Variants in PLXNA2 observed in about 807,000 individuals in gnomAD.
PLXNA2 encodes plexin-A2.
PLXNA2 carries 91 observed loss-of-function variants against 193.5 expected under a neutral mutation model. That is an observed-to-expected ratio of 0.47 (90% CI 0.40 to 0.56). The LOEUF (loss-of-function observed/expected upper bound fraction) is 0.56. Among genes scored for constraint, PLXNA2 ranks in the 20% least tolerant of loss-of-function variants. PLXNA2 has a pLI of 0.00. For missense variants in PLXNA2, 1,995 were observed against 2,503.2 expected, an observed-to-expected ratio of 0.80 and a Z score of 4.33; for synonymous variants, 997 against 1,027.3, an observed-to-expected ratio of 0.97 and a Z score of 0.56.
chr1:208,151,395 TGATTTA>T (rs1268182555), intron 3 of PLXNA2, among the ~76,000 whole-genome samples: 1 of 152,124 alleles, frequency 6.6e-6, no homozygotes, highest in African/African-American at 2.4e-5. Flanking sequence ...TGAACTGGAA[TGATTTA>T]GAGCCACTCT....
intron 4 of PLXNA2, among the ~76,000 whole-genome samples, chr1:208,129,151 C>G (rs903703392): frequency 1.3e-4 from 20 of 152,166 alleles, no homozygotes; most frequent in African/African-American, 4.6e-4. Context: ...TTCCTTTATC[C>G]TCTTTCCATG....
rs148121252 is a variant in PLXNA2, at chr1:208,058,580, C to T, written c.2738+2106G>A. On this transcript the variant is annotated intron_variant, in intron 13 of 31. Coordinates refer to ENST00000367033, the MANE Select transcript of PLXNA2 (RefSeq NM_025179.4). ...TGAAACCTCGGGAGTGGTAATGAGC[C>T]TGGCACAGCTGGAAACCAGGGCTGC... Among the ~76,000 whole-genome samples the T allele has an allele frequency of 1.5e-4, 23 of 152,270 alleles. 1 individual carries two copies. The East Asian group carries it at 4.3e-3, about 28-fold the overall frequency.
intron 10 of PLXNA2, among the ~76,000 whole-genome samples, chr1:208,083,908 C>T (rs931266964): frequency 6.6e-6 from 1 of 152,014 alleles, no homozygotes; most frequent in Non-Finnish European, 1.5e-5. Flanking sequence ...TATTCACTCC[C>T]TGAATGGGGA....
At chr1:208,232,354 T>C (rs2102639668) in intron 1 of PLXNA2, among the ~76,000 whole-genome samples, 1 of 152,318 alleles carries the variant, frequency 6.6e-6, no homozygotes, top group East Asian at 1.9e-4. Flanking sequence ...AAGGCTCCTA[T>C]CTGCCTTGAC....
At chr1:208,159,801 G>C (rs1420262580) in intron 3 of PLXNA2, among the ~76,000 whole-genome samples, 1 of 152,202 alleles carries the variant, frequency 6.6e-6, no homozygotes, top group African/African-American at 2.4e-5. Context: ...GAGAGGAAGG[G>C]GCAGGAACTG....
At chr1:208,121,810 C>T (rs964623309) in intron 4 of PLXNA2, among the ~76,000 whole-genome samples, 28 of 152,198 alleles carry the variant, frequency 1.8e-4, no homozygotes, top group African/African-American at 4.3e-4. Context: ...TACCCATACT[C>T]GTGTACACAC....
At chr1:208,073,920 C>T (rs1666053594) in intron 12 of PLXNA2, among the ~76,000 whole-genome samples, 2 of 152,150 alleles carry the variant, frequency 1.3e-5, no homozygotes, top group South Asian at 4.1e-4. Context: ...AACAGATTCC[C>T]CCTCACAGCG....
intron 9 of PLXNA2, among the ~76,000 whole-genome samples, chr1:208,087,975 G>C (rs1666584857): frequency 6.6e-6 from 1 of 152,130 alleles, no homozygotes; most frequent in Admixed American, 6.5e-5. Flanking sequence ...GAAAAAGAAA[G>C]CAAATCATCC....
chr1:208,062,768 T>C (rs1665658993), intron 12 of PLXNA2, among the ~76,000 whole-genome samples: 1 of 152,114 alleles, frequency 6.6e-6, no homozygotes, highest in Non-Finnish European at 1.5e-5. Flanking sequence ...GAAGGACAAC[T>C]TGGAGAGGAA....
chr1:208,037,871 C>T (rs1034213056), intron 26 of PLXNA2, among the ~76,000 whole-genome samples: 14 of 151,886 alleles, frequency 9.2e-5, no homozygotes, highest in Admixed American at 9.2e-4. Context: ...GACAAGAAAG[C>T]CTGAGTAATT....
At chr1:208,137,151 A>G (rs1394353381) in intron 4 of PLXNA2, among the ~76,000 whole-genome samples, 1 of 151,796 alleles carries the variant, frequency 6.6e-6, no homozygotes, top group Non-Finnish European at 1.5e-5. Context: ...CCCAGCACCC[A>G]CTCCAAACAC....
At chr1:208,229,140 TCTTC>T (rs1387859026) in intron 1 of PLXNA2, among the ~76,000 whole-genome samples, 1 of 152,178 alleles carries the variant, frequency 6.6e-6, no homozygotes, top group Non-Finnish European at 1.5e-5. Flanking sequence ...CTAAATTTCC[TCTTC>T]CTTCCTTGTC....
At chr1:208,215,962 A>T (rs573851657) in intron 2 of PLXNA2, among the ~76,000 whole-genome samples, 1 of 152,138 alleles carries the variant, frequency 6.6e-6, no homozygotes, top group Non-Finnish European at 1.5e-5. Context: ...CCAGTTTTCC[A>T]TCAGTTGGTC....
intron 1 of PLXNA2, among the ~76,000 whole-genome samples, chr1:208,231,350 C>A (rs1342726108): frequency 6.6e-6 from 1 of 151,774 alleles, no homozygotes; most frequent in Non-Finnish European, 1.5e-5. Context: ...AGGAGGGAAG[C>A]GGGAGGGAGG....
At position 208,216,911 on chromosome 1, in the gene PLXNA2, T is replaced by G. The variant is rs150144401; in HGVS notation, c.1012A>C (p.Ile338Leu). ...ITSQDDVLFA[I>L]FSKGQKQYHH... The stretch of plus-strand genomic sequence containing the variant: ...TACTGCTTCTGCCCTTTGGAGAAGA[T>G]GGCAAAGAGTACATCGTCCTGGCTG... Residue 338 changes from isoleucine to leucine, a missense_variant, in exon 2 of 32, where the codon ATC becomes CTC. Ile to Leu is a conservative substitution (Grantham distance 5). Coordinates refer to ENST00000367033, the MANE Select transcript of PLXNA2 (RefSeq NM_025179.4). 2 of 1,614,152 alleles carry G rather than the reference T, an allele frequency of 1.2e-6. No individual in the cohort carries two copies. Among genetic ancestry groups the G allele is most frequent in the South Asian group, 1.1e-5 (1 of 91,084 alleles).
At chr1:208,176,287 T>C (rs139222351) in intron 3 of PLXNA2, among the ~76,000 whole-genome samples, 21 of 152,268 alleles carry the variant, frequency 1.4e-4, no homozygotes, top group African/African-American at 5.1e-4. Flanking sequence ...TCCACGGGCA[T>C]GGGTAAGAAG....
At chr1:208,126,912 CCCAGGGACAGGTGACCTTT>C (rs1432741877) in intron 4 of PLXNA2, among the ~76,000 whole-genome samples, 1 of 152,164 alleles carries the variant, frequency 6.6e-6, no homozygotes, top group Non-Finnish European at 1.5e-5. Flanking sequence ...GTGTCCTGGG[CCCAGGGACAGGTGACCTTT>C]CCAATTCAGC....
rs577093939 is a variant in PLXNA2, at chr1:208,067,120, G to A, written c.2587-6283C>T. On this transcript the variant is annotated intron_variant, in intron 12 of 31. Transcript: ENST00000367033. ...AGCACTTTGGGAGGCCGAGGCAGGC[G>A]GATCACCTGAGTTCGGGAGTTTGAG... Among the ~76,000 whole-genome samples the A allele has an allele frequency of 1.4e-4, 21 of 152,222 alleles. No homozygotes were observed. In the South Asian group the frequency reaches 3.1e-3, roughly 23 times the overall value.
At chr1:208,109,334 G>T (rs1289910445) in intron 4 of PLXNA2, among the ~76,000 whole-genome samples, 1 of 151,944 alleles carries the variant, frequency 6.6e-6, no homozygotes, top group Non-Finnish European at 1.5e-5. Flanking sequence ...ACCCCTTCAG[G>T]TTTATAGGGT....
Sources: gnomAD v4.1 joint callset for allele counts (sites outside exome capture counted in the v4.1 genomes callset) on GRCh38, gnomAD v4.1.1 for gene constraint, MANE v1.5 for transcripts, NCBI Gene and HGNC (gene_info 2026-07-23, HGNC 2026-07-21) for gene names.